Variants in TPRG1 observed in about 807,000 individuals in gnomAD.
TPRG1 encodes the protein tumor protein p63-regulated gene 1 protein.
A neutral mutation model predicts 29.3 loss-of-function variants in TPRG1; 29 were observed. That is an observed-to-expected ratio of 0.99 (90% confidence interval 0.74 to 1.35). The LOEUF is 1.35. TPRG1 is among the 40% of genes most tolerant of loss of function. The pLI is 0.00. For missense variants in TPRG1, 327 were observed against 335.0 expected (o/e 0.98, Z 0.19); for synonymous variants, 130 against 116.8 (o/e 1.11, Z -0.73).
At chr3:189,148,715 G>C (rs948615853) in intron 4 of TPRG1, among the ~76,000 whole-genome samples, 2 of 152,208 alleles carry the variant, frequency 1.3e-5, no homozygotes, top group African/African-American at 2.4e-5. Context: ...AAAGGATTCA[G>C]ATTTGGGTGG....
At chr3:188,997,342 G>A (rs1711871167) in intron 1 of TPRG1, among the ~76,000 whole-genome samples, 8 of 151,884 alleles carry the variant, frequency 5.3e-5, no homozygotes, top group Admixed American at 5.2e-4. Flanking sequence ...TTTTCCCCTG[G>A]GGCTCTCACT....
At chr3:189,103,649 A>C (rs191077918) in intron 1 of TPRG1, among the ~76,000 whole-genome samples, 3 of 152,276 alleles carry the variant, frequency 2.0e-5, no homozygotes, top group African/African-American at 7.2e-5. Context: ...AACAACCCCC[A>C]AAAGCCAAGC....
At chr3:189,068,701 G>C (rs1716618498) in intron 4 of TPRG1, among the ~76,000 whole-genome samples, 1 of 152,172 alleles carries the variant, frequency 6.6e-6, no homozygotes, top group South Asian at 2.1e-4. Context: ...GCTCAAACCT[G>C]GGAGGCGGAG....
chr3:189,143,974 C>G (rs567485554), intron 3 of TPRG1, among the ~76,000 whole-genome samples: 2 of 152,296 alleles, frequency 1.3e-5, no homozygotes, highest in Admixed American at 1.3e-4. Context: ...CATTTCCTCT[C>G]TGTGTAGCTT....
intron 5 of TPRG1, among the ~76,000 whole-genome samples, chr3:189,159,563 C>T (rs563028379): frequency 9.2e-5 from 14 of 152,236 alleles, no homozygotes; most frequent in South Asian, 8.3e-4. Flanking sequence ...CACTATCTAA[C>T]GCAGCAATAT....
rs552330873 is a variant in TPRG1 at position 189,297,172 on chromosome 3, G to A, written c.480-13214G>A. On this transcript the variant is annotated intron_variant, in intron 4 of 5. Transcript: ENST00000345063. The stretch of plus-strand genomic sequence containing the variant: ...ATTTTTATATTTTTAGTAGAGACAG[G>A]GTTTCACTATGTTGGCCAAGCTGGT... 1.2e-3 allele frequency among the ~76,000 whole-genome samples: 178 copies of A among 152,018 alleles called. 1 individual carries two copies. Among genetic ancestry groups the A allele is most frequent in the African/African-American group, 3.7e-3 (155 of 41,446 alleles).
Position 189,238,805 on chromosome 3 carries a change from C to A in TPRG1, c.375C>A (p.Tyr125Ter), listed in dbSNP as rs140811282. The A allele has an allele frequency of 6.2e-7, 1 of 1,613,774 alleles. No homozygotes were observed. The highest frequency in any genetic ancestry group is 1.1e-5 in the South Asian group (1 of 91,076). ...VTDKTLLICK[Y>*]DFIMLSCVQL... Reference sequence around the variant, plus strand: ...ACAAGACTCTCTTGATCTGCAAATACGACTTCATCATGCTGAGTTGTGTGC... The same window carrying A: ...ACAAGACTCTCTTGATCTGCAAATAAGACTTCATCATGCTGAGTTGTGTGC... Residue 125 changes from tyrosine to a stop codon, truncating the protein, a stop_gained, in exon 4 of 6, where the codon TAC becomes TAA. Transcript: ENST00000345063. LOFTEE classifies it high-confidence loss of function.
intron 4 of TPRG1, among the ~76,000 whole-genome samples, chr3:189,272,682 C>CCTTTCTTTCTTTCTTTCTTTCTTTCTTT (rs58830987): frequency 7.1e-6 from 1 of 140,120 alleles, no homozygotes; most frequent in African/African-American, 3.0e-5. Context: ...TCCTTTCTTT[C>CCTTTCTTTCTTTCTTTCTTTCTTTCTTT]CTTTCTTTCT....
chr3:189,319,343 A>C (rs1319584673), intron 5 of TPRG1, among the ~76,000 whole-genome samples: 1 of 152,058 alleles, frequency 6.6e-6, no homozygotes, highest in Non-Finnish European at 1.5e-5. Context: ...ACGTGTCTGC[A>C]ACAAAATCCT....
chr3:189,018,013 C>T (rs1256581054), intron 3 of TPRG1, among the ~76,000 whole-genome samples: 1 of 151,462 alleles, frequency 6.6e-6, no homozygotes, highest in Non-Finnish European at 1.5e-5. Flanking sequence ...TGTTTTTTGG[C>T]TGCATAAATG....
At position 189,076,942 on chromosome 3, in the gene TPRG1, A is replaced by ATATATATATATATATATATG. The variant is rs199941065; in HGVS notation, c.-462-50115_-462-50114insTATATATATATATATATATG. 2.1e-3 allele frequency among the ~76,000 whole-genome samples: 322 copies of ATATATATATATATATATATG among 151,250 alleles called. 3 individuals are homozygous for ATATATATATATATATATATG. The highest frequency in any genetic ancestry group is 7.2e-3 in the African/African-American group (293 of 40,718). On this transcript the variant is annotated intron_variant, in intron 4 of 10. Coordinates refer to the TPRG1 transcript ENST00000433971. ...TGTGTACATATATATATATATATAT[A>ATATATATATATATATATATG]GCCAATAAGCACATGAGAAAGTGCT...
At position 189,324,162 on chromosome 3, in the gene TPRG1, A is replaced by T. The variant is rs1339024315; in HGVS notation, c.*3342A>T. The stretch of plus-strand genomic sequence containing the variant: ...TCATTTGCCTTGAGGTCCATTTTTT[A>T]TTCAGCCTTTGTTTAAACCTTCTTA... On this transcript the variant is annotated 3_prime_UTR_variant, in exon 6 of 6. Transcript: ENST00000345063. The T allele has an allele frequency of 6.6e-6, 1 of 152,100 alleles. No homozygotes were observed. The highest frequency in any genetic ancestry group is 1.5e-5 in the Non-Finnish European group (1 of 67,996). 9.4% of individuals were successfully genotyped at this position (152,100 alleles called of 1,614,324 possible). A position where few individuals can be genotyped will look rare whatever the true frequency, so the allele number is the denominator to read the frequency against.
chr3:189,262,625 G>A (rs1256687955), intron 4 of TPRG1, among the ~76,000 whole-genome samples: 1 of 152,204 alleles, frequency 6.6e-6, no homozygotes, highest in Non-Finnish European at 1.5e-5. Context: ...CACTTTGAAG[G>A]AGAGTTATAT....
At chr3:189,233,304 C>T (rs1430308874) in intron 3 of TPRG1, among the ~76,000 whole-genome samples, 1 of 152,004 alleles carries the variant, frequency 6.6e-6, no homozygotes, top group Non-Finnish European at 1.5e-5. Flanking sequence ...AAAAGAGCAA[C>T]TGAAAGTATT....
At chr3:189,218,694 G>A (rs1327366050) in intron 3 of TPRG1, among the ~76,000 whole-genome samples, 1 of 152,198 alleles carries the variant, frequency 6.6e-6, no homozygotes, top group Non-Finnish European at 1.5e-5. Flanking sequence ...CGAGAAATGT[G>A]GGCTGGAGAA....
intron 1 of TPRG1, among the ~76,000 whole-genome samples, chr3:189,126,140 G>A (rs939411312): frequency 6.6e-6 from 1 of 152,046 alleles, no homozygotes; most frequent in African/African-American, 2.4e-5. Flanking sequence ...TGGTTTGGGG[G>A]ATGATGCATG....
intron 4 of TPRG1, among the ~76,000 whole-genome samples, chr3:189,260,744 A>T (rs1427243073): frequency 3.3e-5 from 5 of 152,194 alleles, no homozygotes; most frequent in African/African-American, 9.7e-5. Context: ...TGGCCTTTAC[A>T]CATCCTTTTG....
At chr3:189,116,493 C>T (rs575150454) in intron 1 of TPRG1, among the ~76,000 whole-genome samples, 39 of 152,138 alleles carry the variant, frequency 2.6e-4, no homozygotes, top group Non-Finnish European at 5.3e-4. Context: ...GATATTTTTA[C>T]ACCCATATTC....
intron 4 of TPRG1, among the ~76,000 whole-genome samples, chr3:189,271,974 T>C (rs1417829334): frequency 6.6e-6 from 1 of 152,202 alleles, no homozygotes; most frequent in African/African-American, 2.4e-5. Context: ...AAAAGCCTAA[T>C]GTGGTGTTTG....
Sources: allele counts gnomAD v4.1 joint callset (sites outside exome capture counted in the v4.1 genomes callset), GRCh38; gene constraint gnomAD v4.1.1; transcripts MANE v1.5; gene names NCBI Gene and HGNC (gene_info 2026-07-23, HGNC 2026-07-21).